The following THSD7B variants were observed in gnomAD, a reference collection of about 807,000 sequenced individuals.
THSD7B encodes thrombospondin type 1 domain containing 7B.
Under a neutral mutation model 213.6 loss-of-function variants are expected in THSD7B, and 138 were observed. The observed-to-expected ratio is 0.65, with a 90% confidence interval of 0.56 to 0.74. The LOEUF (loss-of-function observed/expected upper bound fraction) is 0.74, where lower values mean the gene tolerates loss of function less well. Among genes scored for constraint, THSD7B ranks in the 30% least tolerant of loss-of-function variants. The pLI, the probability that THSD7B is intolerant of heterozygous loss-of-function variation, is 0.00. For synonymous variants in THSD7B, 742 were observed against 687.0 expected, an observed-to-expected ratio of 1.08 and a Z score of -1.25; for missense variants, 1,931 against 1,991.5, an observed-to-expected ratio of 0.97 and a Z score of 0.58.
intron 12 of THSD7B, among the ~76,000 whole-genome samples, chr2:137,404,794 G>A (rs983066240): frequency 4.6e-5 from 7 of 151,838 alleles, no homozygotes; most frequent in Admixed American, 1.3e-4. Flanking sequence ...TGATATGTGG[G>A]AACTAAGCTA....
At chr2:137,265,117 G>A (rs1260246849) in intron 10 of THSD7B, among the ~76,000 whole-genome samples, 1 of 152,066 alleles carries the variant, frequency 6.6e-6, no homozygotes, top group Non-Finnish European at 1.5e-5. Context: ...TGAGAATGAT[G>A]ATTTCCAATT....
intron 2 of THSD7B, among the ~76,000 whole-genome samples, chr2:136,898,871 G>A (rs1684012484): frequency 1.3e-5 from 2 of 151,734 alleles, no homozygotes; most frequent in East Asian, 3.9e-4. Flanking sequence ...TTGATCTCCT[G>A]ACCTCGTGAT....
chr2:137,509,186 T>C (rs1269076387), intron 15 of THSD7B, among the ~76,000 whole-genome samples: 1 of 152,196 alleles, frequency 6.6e-6, no homozygotes, highest in African/African-American at 2.4e-5. Context: ...CCTGCACAAC[T>C]TAATGATAGC....
At chr2:136,981,184 A>T (rs1367198822) in intron 2 of THSD7B, among the ~76,000 whole-genome samples, 1 of 152,194 alleles carries the variant, frequency 6.6e-6, no homozygotes, top group Non-Finnish European at 1.5e-5. Flanking sequence ...AACTTGAGAT[A>T]TGAAAGTTCA....
intron 7 of THSD7B, among the ~76,000 whole-genome samples, chr2:137,212,345 T>C (rs997921169): frequency 2.0e-5 from 3 of 152,042 alleles, no homozygotes; most frequent in African/African-American, 4.8e-5. Flanking sequence ...TCAGAACTTA[T>C]CTCAATGGTA....
chr2:137,152,844 G>C (rs138453777), intron 5 of THSD7B, among the ~76,000 whole-genome samples: 21 of 152,216 alleles, frequency 1.4e-4, no homozygotes, highest in African/African-American at 3.6e-4. Flanking sequence ...TCTGGAAATA[G>C]CTCTTTCATT....
chr2:136,830,655 A>G (rs1467143297), intron 1 of THSD7B, among the ~76,000 whole-genome samples: 1 of 151,978 alleles, frequency 6.6e-6, no homozygotes, highest in African/African-American at 2.4e-5. Context: ...TTCCCATTTT[A>G]TCTTAGTTTC....
At chr2:137,131,368 A>C (rs941109420) in intron 5 of THSD7B, among the ~76,000 whole-genome samples, 1 of 152,058 alleles carries the variant, frequency 6.6e-6, no homozygotes, top group African/African-American at 2.4e-5. Flanking sequence ...TGCTGTGCAG[A>C]AGCTCTTTAG....
At chr2:137,430,844 G>A (rs1013495153) in intron 14 of THSD7B, among the ~76,000 whole-genome samples, 3 of 152,176 alleles carry the variant, frequency 2.0e-5, no homozygotes, top group African/African-American at 7.2e-5. Flanking sequence ...ACTGACCAGA[G>A]GTGCGGAAAC....
chr2:136,784,468 G>C (rs2433922), intron 1 of THSD7B, among the ~76,000 whole-genome samples: 20,925 of 151,904 alleles, frequency 0.14, 1,654 homozygotes, highest in South Asian at 0.2. Context: ...TATTTTGTAG[G>C]CTCCATTCTT....
At chr2:137,283,790 A>G (rs1282654083) in intron 12 of THSD7B, among the ~76,000 whole-genome samples, 2 of 152,102 alleles carry the variant, frequency 1.3e-5, no homozygotes, top group Non-Finnish European at 2.9e-5. Flanking sequence ...GTGTTGCTGG[A>G]TTCGGTTTGC....
intron 12 of THSD7B, among the ~76,000 whole-genome samples, chr2:137,404,469 A>C (rs1397556515): frequency 8.9e-6 from 1 of 112,542 alleles, no homozygotes; most frequent in African/African-American, 3.7e-5. Flanking sequence ...ATATATATAT[A>C]TATATACACA....
At chr2:136,965,199 ACAC>A (rs1027449320) in intron 2 of THSD7B, among the ~76,000 whole-genome samples, 1 of 152,184 alleles carries the variant, frequency 6.6e-6, no homozygotes, top group African/African-American at 2.4e-5. Context: ...AGCACAGTTA[ACAC>A]GGCTTCTACA....
chr2:137,192,271 T>C (rs1344718497), intron 7 of THSD7B, among the ~76,000 whole-genome samples: 1 of 152,166 alleles, frequency 6.6e-6, no homozygotes, highest in East Asian at 1.9e-4. Flanking sequence ...TTCTAGGAGA[T>C]ACTGATGATA....
chr2:137,537,857 TA>T (rs1680535275), intron 15 of THSD7B, among the ~76,000 whole-genome samples: 2 of 151,688 alleles, frequency 1.3e-5, no homozygotes, highest in African/African-American at 4.8e-5. Flanking sequence ...CTACAATATT[TA>T]AAAAAATATG....
chr2:137,479,518 CT>C, intron 15 of THSD7B: 2 of 404,538 alleles, frequency 4.9e-6, no homozygotes, highest in Non-Finnish European at 1.0e-5. Context: ...AGTGGGGTTC[CT>C]TTCGCTGGGA....
chr2:137,414,264 T>C (rs548037644), intron 14 of THSD7B, among the ~76,000 whole-genome samples: 31 of 152,220 alleles, frequency 2.0e-4, no homozygotes, highest in African/African-American at 6.5e-4. Context: ...TTTCACAGTA[T>C]GTATTTTCAA....
chr2:136,830,386 C>A (rs1420272365), intron 1 of THSD7B, among the ~76,000 whole-genome samples: 1 of 145,528 alleles, frequency 6.9e-6, no homozygotes, highest in Admixed American at 7.0e-5. Flanking sequence ...ATTAACCAAA[C>A]AAATAAGTTA....
At chr2:136,882,973 A>G (rs1683650153) in intron 2 of THSD7B, among the ~76,000 whole-genome samples, 1 of 152,312 alleles carries the variant, frequency 6.6e-6, no homozygotes, top group South Asian at 2.1e-4. Context: ...TCAGAGCCTA[A>G]TAATTTATTA....
Sources: allele counts gnomAD v4.1 joint callset (sites outside exome capture counted in the v4.1 genomes callset), GRCh38; gene constraint gnomAD v4.1.1; transcripts MANE v1.5; gene names NCBI Gene and HGNC (gene_info 2026-07-23, HGNC 2026-07-21).